FCRL2: variants seen among roughly 807,000 people sequenced by gnomAD.
The protein encoded by FCRL2 is Fc receptor like 2, also known as Fc receptor-like protein 2.
Under a neutral mutation model 59.8 loss-of-function variants are expected in FCRL2, and 48 were observed. The ratio of observed to expected loss-of-function variants is 0.80; its 90% confidence interval spans 0.64 to 1.02. The LOEUF (loss-of-function observed/expected upper bound fraction) is 1.02, where lower values mean the gene tolerates loss of function less well. FCRL2 is among the 50% of genes least tolerant of loss of function. FCRL2 has a pLI of 0.00. For synonymous variants in FCRL2, 251 were observed against 229.5 expected (o/e 1.09, Z -0.85); for missense variants, 658 against 597.3 (o/e 1.10, Z -1.06).
At chr1:157,752,961 G>T (rs1479417015) in intron 7 of FCRL2, among the ~76,000 whole-genome samples, 1 of 152,096 alleles carries the variant, frequency 6.6e-6, no homozygotes, top group African/African-American at 2.4e-5. Context: ...GAATAGCATA[G>T]TCATGATGGG....
chr1:157,769,004 G>A (rs1649760356), intron 4 of FCRL2: 1 of 253,876 alleles, frequency 3.9e-6, no homozygotes, highest in Non-Finnish European at 7.5e-6. Context: ...CTTTTGCACA[G>A]AATATAGAGG....
intron 2 of FCRL2, 23 bp from the exon 3 acceptor site, chr1:157,770,689 G>T: frequency 6.2e-7 from 1 of 1,612,826 alleles, no homozygotes; most frequent in Admixed American, 1.7e-5. Flanking sequence ...GAGGGAAACC[G>T]GATTTGCCAT....
chr1:157,751,077 GA>G (rs1648151629), intron 7 of FCRL2, among the ~76,000 whole-genome samples: 1 of 151,348 alleles, frequency 6.6e-6, no homozygotes, highest in South Asian at 2.1e-4. Context: ...AAATATATAA[GA>G]AAAAAAGGAA....
rs1649914097 is a variant in FCRL2, at chr1:157,770,464, T to C, written c.255A>G (p.Lys85=). ...TTTTATCCCAGAGAAAGAGTTGTCC[T>C]TTGGTACTACAGAAATAGTTACCAC... ...SDSGNYFCST[K]GQLFLWDKTS... is the part of the protein sequence containing the mutation. The change falls in exon 3 of 12, where the codon AAA becomes AAG. Residue 85 remains lysine, a synonymous_variant. Transcript: ENST00000361516. 6.2e-7 allele frequency: 1 copy of C among 1,613,960 alleles called. No individual in the cohort carries two copies. The highest frequency in any genetic ancestry group is 1.3e-5 in the African/African-American group (1 of 74,928).
At chr1:157,760,775 AAGG>A (rs1649031966) in intron 7 of FCRL2, among the ~76,000 whole-genome samples, 1 of 145,994 alleles carries the variant, frequency 6.8e-6, no homozygotes, top group African/African-American at 2.8e-5. Context: ...TGAAAAAAGA[AAGG>A]AAGGAAGGAA....
chr1:157,758,016 G>T (rs1033869010), intron 7 of FCRL2, among the ~76,000 whole-genome samples: 2 of 152,206 alleles, frequency 1.3e-5, no homozygotes, highest in African/African-American at 4.8e-5. Flanking sequence ...GTGGCATTTT[G>T]TTATGCTATC....
Position 157,770,662 on chromosome 1 carries a change from C to A in FCRL2, c.57G>T (p.Ser19=). 6.2e-7 allele frequency: 1 copy of A among 1,613,836 alleles called. No individual in the cohort carries two copies. The highest frequency in any genetic ancestry group is 1.1e-5 in the South Asian group (1 of 91,022). The change falls in exon 3 of 12, where the codon TCG becomes TCT. Residue 19 remains serine (S), a synonymous_variant. Transcript: ENST00000361516. The part of the protein sequence containing the change: ...IFDAVTEQAD[S]LTLVAPSSVF... ...CAGAAGAGGGCGCCACAAGGGTCAG[C>A]GAATCTGGAAGAGAAGGAGGGAAAC...
Position 157,775,879 on chromosome 1 carries a change from C to A in FCRL2, c.32-84G>T. ...ATTTATATTACTCTGGTAAATTGCT[C>A]AAAAACTTCTTTCCATTTTCCCTTT... On this transcript the variant is annotated intron_variant, in intron 1 of 11. Coordinates refer to ENST00000361516, the MANE Select transcript of FCRL2 (RefSeq NM_030764.4). 2.8e-6 allele frequency: 4 copies of A among 1,448,172 alleles called. No individual in the cohort carries two copies. The South Asian group carries it at 5.0e-5, about 18-fold the overall frequency. The allele number at this position is 1,448,172 out of a possible 1,614,324, so 89.7% of individuals were successfully genotyped here.
At chr1:157,751,027 A>G (rs1236380028) in intron 7 of FCRL2, among the ~76,000 whole-genome samples, 1 of 152,242 alleles carries the variant, frequency 6.6e-6, no homozygotes, top group Non-Finnish European at 1.5e-5. Context: ...TAATTTGTCA[A>G]TTTAAAGGAA....
chr1:157,760,731 GAAAGAAAGAA>G lies in FCRL2; in HGVS notation c.1279+6114_1279+6123del, dbSNP rs1288989828. Among the ~76,000 whole-genome samples, 8 of 145,860 alleles carry G rather than the reference GAAAGAAAGAA, an allele frequency of 5.5e-5. No homozygotes were observed. The East Asian group carries it at 8.3e-4, about 15-fold the overall frequency. ...AGAAAGAAAGAAAGAAAGAAAGAAA[GAAAGAAAGAA>G]AGAAAGAAAGAAAGAAGAAAGAATG... On this transcript the variant is annotated intron_variant, in intron 7 of 11. Transcript: ENST00000361516.
chr1:157,765,034 G>A (rs924024180), intron 7 of FCRL2, among the ~76,000 whole-genome samples: 1 of 152,054 alleles, frequency 6.6e-6, no homozygotes, highest in Non-Finnish European at 1.5e-5. Flanking sequence ...ACAAAAGCTG[G>A]TCCTTTGAAA....
At chr1:157,769,691 T>C in intron 4 of FCRL2, 175 bp downstream of exon 4, 1 of 614,600 alleles carries the variant, frequency 1.6e-6, no homozygotes, top group Non-Finnish European at 2.8e-6. Flanking sequence ...CCTCCCAAAG[T>C]GCTGGGATTA....
At chr1:157,747,054 G>C (rs990745685) in intron 10 of FCRL2, among the ~76,000 whole-genome samples, 155 bp from the exon 11 acceptor site, 1 of 152,202 alleles carries the variant, frequency 6.6e-6, no homozygotes, top group African/African-American at 2.4e-5. Context: ...TGTTAATACT[G>C]AAGTCCTTCT....
At chr1:157,764,743 T>C (rs1163600579) in intron 7 of FCRL2, among the ~76,000 whole-genome samples, 5 of 152,060 alleles carry the variant, frequency 3.3e-5, no homozygotes, top group East Asian at 1.9e-4. Flanking sequence ...ATGAAGAAAT[T>C]AAGATGGAAA....
At chr1:157,775,736 T>C (rs768911026) in intron 2 of FCRL2, 39 bp downstream of exon 2, 4 of 1,612,886 alleles carry the variant, frequency 2.5e-6, no homozygotes, top group Admixed American at 1.7e-5. Flanking sequence ...GTGACTGATA[T>C]GCCAGAGACC....
intron 5 of FCRL2, 93 bp from the exon 6 acceptor site, chr1:157,767,602 C>T: frequency 1.2e-6 from 2 of 1,613,998 alleles, no homozygotes; most frequent in Non-Finnish European, 1.7e-6. Flanking sequence ...GGGCCTGGCC[C>T]CATGGCTGTT....
chr1:157,760,851 C>A (rs1015953314), intron 7 of FCRL2, among the ~76,000 whole-genome samples: 1 of 151,316 alleles, frequency 6.6e-6, no homozygotes, highest in Non-Finnish European at 1.5e-5. Context: ...TGGTATCATG[C>A]TGATTACCTG....
intron 7 of FCRL2, among the ~76,000 whole-genome samples, chr1:157,755,608 T>C (rs1330111204): frequency 2.0e-5 from 3 of 152,200 alleles, no homozygotes; most frequent in African/African-American, 7.2e-5. Flanking sequence ...CTTGAGATCA[T>C]CTAAATCTCC....
In FCRL2 at chr1:157,776,142, G is replaced by A. The variant is rs558729929; in HGVS notation, c.32-347C>T. Among the ~76,000 whole-genome samples the A allele has an allele frequency of 3.3e-5, 5 of 152,070 alleles. No homozygotes were observed. In the South Asian group the frequency reaches 6.2e-4, roughly 19 times the overall value. ...AAGTGGTAGATAGACATGACAACACGATCACAAAGGGCTCATCAGGAAACA... is the reference window on the plus strand; with the variant it reads ...AAGTGGTAGATAGACATGACAACACAATCACAAAGGGCTCATCAGGAAACA... On this transcript the variant is annotated intron_variant, in intron 1 of 11. Coordinates refer to ENST00000361516, the MANE Select transcript of FCRL2 (RefSeq NM_030764.4).
Sources: allele counts gnomAD v4.1 joint callset (sites outside exome capture counted in the v4.1 genomes callset), GRCh38; gene constraint gnomAD v4.1.1; transcripts MANE v1.5; gene names NCBI Gene and HGNC (gene_info 2026-07-23, HGNC 2026-07-21).